The following KCNJ3 variants were observed in gnomAD, a reference collection of about 807,000 sequenced individuals.
KCNJ3 encodes potassium inwardly rectifying channel subfamily J member 3.
Under a neutral mutation model 39.2 loss-of-function variants are expected in KCNJ3, and 4 were observed. The observed-to-expected ratio is 0.10, with a 90% CI of 0.05 to 0.23. The LOEUF (loss-of-function observed/expected upper bound fraction) is 0.23, where lower values mean the gene tolerates loss of function less well. Among genes scored for constraint, KCNJ3 ranks in the 10% least tolerant of loss-of-function variants. The pLI, the probability that KCNJ3 is intolerant of heterozygous loss-of-function variation, is 1.00. For synonymous variants in KCNJ3, 230 were observed against 237.4 expected (o/e 0.97, Z 0.29); for missense variants, 276 against 634.9 (o/e 0.43, Z 6.08).
At chr2:154,843,466 G>A (rs1334979494) in intron 2 of KCNJ3, among the ~76,000 whole-genome samples, 1 of 152,122 alleles carries the variant, frequency 6.6e-6, no homozygotes, top group African/African-American at 2.4e-5. Flanking sequence ...TGTATTTCCT[G>A]AATTTGAATG....
chr2:154,703,345 C>A (rs1684943355), intron 1 of KCNJ3, among the ~76,000 whole-genome samples: 1 of 152,000 alleles, frequency 6.6e-6, no homozygotes, highest in Non-Finnish European at 1.5e-5. Context: ...CAATAGGCAT[C>A]CTCTTTCTTT....
At chr2:154,758,309 A>G (rs1685977975) in intron 2 of KCNJ3, among the ~76,000 whole-genome samples, 1 of 152,162 alleles carries the variant, frequency 6.6e-6, no homozygotes, top group African/African-American at 2.4e-5. Flanking sequence ...AATAAAAATT[A>G]AAGACAAACA....
chr2:154,847,636 A>G (rs543191900), intron 2 of KCNJ3, among the ~76,000 whole-genome samples: 1 of 152,156 alleles, frequency 6.6e-6, no homozygotes, highest in Non-Finnish European at 1.5e-5. Context: ...GTAGTCATAT[A>G]GCCTGTTATT....
intron 2 of KCNJ3, among the ~76,000 whole-genome samples, chr2:154,841,023 G>C (rs1687565964): frequency 6.6e-6 from 1 of 152,070 alleles, no homozygotes; most frequent in Non-Finnish European, 1.5e-5. Context: ...GTTTTCAAAG[G>C]GAATGCTTCC....
At chr2:154,741,153 A>T (rs924330956) in intron 2 of KCNJ3, among the ~76,000 whole-genome samples, 4 of 151,940 alleles carry the variant, frequency 2.6e-5, no homozygotes, top group Non-Finnish European at 4.4e-5. Context: ...ACATCACCTT[A>T]TGAGATATAA....
intron 2 of KCNJ3, among the ~76,000 whole-genome samples, chr2:154,809,727 A>C (rs1341580229): frequency 6.6e-6 from 1 of 152,220 alleles, no homozygotes; most frequent in Non-Finnish European, 1.5e-5. Flanking sequence ...CATACTTTGC[A>C]AAGTGGTATC....
chr2:154,788,404 A>T (rs2105208485), intron 2 of KCNJ3, among the ~76,000 whole-genome samples: 1 of 152,242 alleles, frequency 6.6e-6, no homozygotes, highest in Admixed American at 6.5e-5. Flanking sequence ...CAGACTGCTG[A>T]TATTCTAGAC....
Position 154,856,409 on chromosome 2 carries a change from GA to G in KCNJ3, c.*1098del, listed in dbSNP as rs1246830824. 1 of 152,520 alleles carries G rather than the reference GA, an allele frequency of 6.6e-6. No individual in the cohort carries two copies. Among genetic ancestry groups the G allele is most frequent in the Non-Finnish European group, 1.5e-5 (1 of 67,982 alleles). 9.4% of individuals were successfully genotyped at this position (152,520 alleles called of 1,614,324 possible). ...CCATTTTAAAAACCAATCATTTTAA[GA>G]AGACATGACAATGCAATGAAACAGA... On this transcript the variant is annotated 3_prime_UTR_variant, in exon 3 of 3. Coordinates refer to ENST00000295101, the MANE Select transcript of KCNJ3 (RefSeq NM_002239.4).
At chr2:154,831,576 ATGTAT>A (rs1687364888) in intron 2 of KCNJ3, among the ~76,000 whole-genome samples, 1 of 152,174 alleles carries the variant, frequency 6.6e-6, no homozygotes, top group Admixed American at 6.5e-5. Flanking sequence ...AATGGGCCAC[ATGTAT>A]GGATGAGATG....
At chr2:154,788,432 A>G (rs931973926) in intron 2 of KCNJ3, among the ~76,000 whole-genome samples, 6 of 152,100 alleles carry the variant, frequency 3.9e-5, no homozygotes, top group African/African-American at 1.4e-4. Flanking sequence ...AAGGTGCTAT[A>G]TTGCTACAAT....
chr2:154,732,513 G>GT (rs370781712), intron 2 of KCNJ3, among the ~76,000 whole-genome samples: 3 of 151,784 alleles, frequency 2.0e-5, no homozygotes, highest in Admixed American at 6.6e-5. Context: ...ACTTCAATCA[G>GT]TTTTTTTTCC....
chr2:154,847,620 A>G (rs1461915013), intron 2 of KCNJ3, among the ~76,000 whole-genome samples: 1 of 152,044 alleles, frequency 6.6e-6, no homozygotes, highest in African/African-American at 2.4e-5. Flanking sequence ...TGTGTAAATG[A>G]AAGTTGTAGT....
At chr2:154,794,845 A>G (rs1288321712) in intron 2 of KCNJ3, among the ~76,000 whole-genome samples, 1 of 152,028 alleles carries the variant, frequency 6.6e-6, no homozygotes, top group African/African-American at 2.4e-5. Context: ...TAGGTATTCA[A>G]TAAATACTAG....
At chr2:154,782,944 A>C (rs1319200278) in intron 2 of KCNJ3, among the ~76,000 whole-genome samples, 1 of 152,186 alleles carries the variant, frequency 6.6e-6, no homozygotes, top group Non-Finnish European at 1.5e-5. Flanking sequence ...TGGGAGGCCA[A>C]GGCAGGCAGA....
intron 1 of KCNJ3, among the ~76,000 whole-genome samples, chr2:154,708,291 C>T (rs541124350): frequency 2.0e-5 from 3 of 152,232 alleles, no homozygotes; most frequent in African/African-American, 7.2e-5. Flanking sequence ...GAAGCACCAC[C>T]GATTTGGAAC....
intron 2 of KCNJ3, among the ~76,000 whole-genome samples, chr2:154,725,600 G>A (rs1446259687): frequency 6.6e-6 from 1 of 151,860 alleles, no homozygotes; most frequent in Non-Finnish European, 1.5e-5. Flanking sequence ...TAGGAAAAAA[G>A]CAATTCTAAA....
Position 154,699,982 on chromosome 2 carries a change from G to C in KCNJ3, c.702+505G>C, listed in dbSNP as rs147073137. 2.3e-4 allele frequency among the ~76,000 whole-genome samples: 35 copies of C among 152,058 alleles called. No homozygotes were observed. Among genetic ancestry groups the C allele is most frequent in the Non-Finnish European group, 4.4e-4 (30 of 67,992 alleles). On this transcript the variant is annotated intron_variant, in intron 1 of 2. Transcript: ENST00000295101. This position sits in a 1 kb window ranked among gnomAD's most constrained non-coding sequence, Gnocchi z 6.4. Reference sequence around the variant, plus strand: ...CTTTTTTTCCCCCTAATAATATTAGGAGGCGGATTACTCCTCTGGACCCAA... The same window carrying C: ...CTTTTTTTCCCCCTAATAATATTAGCAGGCGGATTACTCCTCTGGACCCAA...
At chr2:154,782,005 T>C (rs1260630906) in intron 2 of KCNJ3, among the ~76,000 whole-genome samples, 1 of 152,212 alleles carries the variant, frequency 6.6e-6, no homozygotes, top group Non-Finnish European at 1.5e-5. Flanking sequence ...CTTTGGACTT[T>C]TAAATCTGTT....
chr2:154,819,824 C>T (rs887677256), intron 2 of KCNJ3, among the ~76,000 whole-genome samples: 2 of 151,804 alleles, frequency 1.3e-5, no homozygotes, highest in African/African-American at 4.8e-5. Flanking sequence ...CCACCACTCC[C>T]GGATACAACA....
Sources: gnomAD v4.1 joint callset for allele counts (sites outside exome capture counted in the v4.1 genomes callset) on GRCh38, gnomAD v4.1.1 for gene constraint, Gnocchi (gnomAD v3.1) non-coding constraint, MANE v1.5 for transcripts, NCBI Gene and HGNC (gene_info 2026-07-23, HGNC 2026-07-21) for gene names.